The following RANBP2 variants were observed in gnomAD, a reference collection of about 807,000 sequenced individuals.
The protein encoded by RANBP2 is RAN binding protein 2, also known as E3 SUMO-protein ligase RanBP2.
In RANBP2, 57 loss-of-function variants were observed where a neutral mutation model predicts 303.6. The observed-to-expected ratio is 0.19, with a 90% CI of 0.15 to 0.23. The LOEUF (loss-of-function observed/expected upper bound fraction) is 0.23. Ranked by LOEUF, RANBP2 falls within the 10% of genes least tolerant of loss-of-function variation. The probability of loss-of-function intolerance (pLI) is 1.00; values close to 1 mark genes in which losing one functional copy is unlikely to be tolerated. For missense variants in RANBP2, 3,138 were observed against 3,780.8 expected (o/e 0.83, Z 4.46); for synonymous variants, 1,167 against 1,301.5 (o/e 0.90, Z 2.23).
chr2:108,988,652 T>C, the RANBP2 span, among the ~76,000 whole-genome samples: 439 of 152,286 alleles, frequency 2.9e-3, 2 homozygotes, highest in Non-Finnish European at 4.8e-3. Flanking sequence ...TCACGCTCCC[T>C]GGAGGAACCC....
chr2:109,472,887 G>C, the RANBP2 span, among the ~76,000 whole-genome samples: 2 of 152,178 alleles, frequency 1.3e-5, no homozygotes, highest in East Asian at 3.9e-4. Context: ...AGACAGCCCT[G>C]CTCCAGCCTC....
intron 23 of RANBP2, among the ~76,000 whole-genome samples, chr2:108,774,407 G>T (rs535530107): frequency 1.3e-5 from 2 of 152,098 alleles, no homozygotes; most frequent in African/African-American, 4.8e-5. Flanking sequence ...GCTGCAGTGC[G>T]CTATGATTGT....
chr2:109,016,553 C>A, the RANBP2 span, among the ~76,000 whole-genome samples: 1 of 152,170 alleles, frequency 6.6e-6, no homozygotes, highest in African/African-American at 2.4e-5. Context: ...CAGTCCTGAT[C>A]CTAGGCGTCC....
chr2:109,078,266 G>A, the RANBP2 span, among the ~76,000 whole-genome samples: 452 of 54,792 alleles, frequency 8.2e-3, 50 homozygotes, highest in Non-Finnish European at 0.013. Context: ...TATATATAGC[G>A]CGTATATATA....
the RANBP2 span, among the ~76,000 whole-genome samples, chr2:108,841,771 A>AT: frequency 1.3e-5 from 2 of 151,868 alleles, no homozygotes; most frequent in Non-Finnish European, 2.9e-5. Context: ...CTGTAACTTT[A>AT]TTTTTTTAAC....
At chr2:109,561,985 T>A in the RANBP2 span, among the ~76,000 whole-genome samples, 1 of 133,790 alleles carries the variant, frequency 7.5e-6, no homozygotes, top group Non-Finnish European at 1.6e-5. Context: ...GGCCAGGAAT[T>A]CCTGACCCCA....
At chr2:109,591,444 C>CTA in the RANBP2 span, among the ~76,000 whole-genome samples, 21 of 152,240 alleles carry the variant, frequency 1.4e-4, no homozygotes, top group South Asian at 4.4e-3. Context: ...CTAAAGATTA[C>CTA]TAGTGACTCT....
the RANBP2 span, among the ~76,000 whole-genome samples, chr2:109,045,505 G>A: frequency 6.6e-6 from 1 of 152,264 alleles, no homozygotes; most frequent in Non-Finnish European, 1.5e-5. Flanking sequence ...GGTTAGGACA[G>A]CGACCGCTCC....
At chr2:109,545,346 T>A in the RANBP2 span, 7 of 1,496,966 alleles carry the variant, frequency 4.7e-6, no homozygotes, top group Non-Finnish European at 6.2e-6. Flanking sequence ...AAAAATAAAC[T>A]TATTTTCTAA....
chr2:109,194,336 G>C, the RANBP2 span, among the ~76,000 whole-genome samples: 2 of 152,244 alleles, frequency 1.3e-5, no homozygotes, highest in Non-Finnish European at 1.5e-5. Flanking sequence ...GGTGTCCCCA[G>C]CTGTGCCCTG....
At chr2:109,673,208 ATGAATTTTTAAAC>A in the RANBP2 span, among the ~76,000 whole-genome samples, 1 of 152,186 alleles carries the variant, frequency 6.6e-6, no homozygotes, top group East Asian at 1.9e-4. Context: ...CTATGTGAAC[ATGAATTTTTAAAC>A]TGTATGGTGC....
At chr2:109,519,154 G>A in the RANBP2 span, among the ~76,000 whole-genome samples, 1 of 151,924 alleles carries the variant, frequency 6.6e-6, no homozygotes, top group Admixed American at 6.6e-5. Context: ...CCTGACCTCA[G>A]GTGATCTGCC....
chr2:109,662,060 T>A, the RANBP2 span, among the ~76,000 whole-genome samples: 1 of 152,156 alleles, frequency 6.6e-6, no homozygotes, highest in Non-Finnish European at 1.5e-5. Context: ...AGACCACCCT[T>A]TCCAGACCAT....
At chr2:109,033,681 G>T in the RANBP2 span, among the ~76,000 whole-genome samples, 3 of 152,034 alleles carry the variant, frequency 2.0e-5, no homozygotes, top group South Asian at 6.3e-4. Flanking sequence ...TTTGAGAGGC[G>T]GTGGCTCATG....
chr2:109,582,018 T>C, the RANBP2 span, among the ~76,000 whole-genome samples: 1 of 152,016 alleles, frequency 6.6e-6, no homozygotes, highest in Non-Finnish European at 1.5e-5. Flanking sequence ...AGCATTTCTG[T>C]ATATCAATAA....
the RANBP2 span, among the ~76,000 whole-genome samples, chr2:109,030,089 C>CT: frequency 3.9e-5 from 6 of 152,320 alleles, no homozygotes; most frequent in East Asian, 1.2e-3. Flanking sequence ...TTCTTTGACT[C>CT]TAACTTTTGT....
the RANBP2 span, among the ~76,000 whole-genome samples, chr2:109,084,702 C>T: frequency 2.0e-5 from 3 of 152,182 alleles, no homozygotes; most frequent in Non-Finnish European, 2.9e-5. Context: ...AGGAACAACA[C>T]AAAGGGCGTT....
chr2:108,971,960 C>T, the RANBP2 span, among the ~76,000 whole-genome samples: 2 of 152,156 alleles, frequency 1.3e-5, no homozygotes, highest in South Asian at 2.1e-4. Flanking sequence ...GAGGAGCAGC[C>T]GTGGGGAGCT....
chr2:109,399,468 G>A, the RANBP2 span, among the ~76,000 whole-genome samples: 7 of 148,790 alleles, frequency 4.7e-5, no homozygotes, highest in Non-Finnish European at 8.9e-5. Context: ...TTTGTAAATT[G>A]AAGTAACCAA....
Sources: allele counts gnomAD v4.1 joint callset (sites outside exome capture counted in the v4.1 genomes callset), GRCh38; gene constraint gnomAD v4.1.1; transcripts MANE v1.5; gene names NCBI Gene and HGNC (gene_info 2026-07-23, HGNC 2026-07-21).